Variants in RPL26L1 observed in about 807,000 individuals in gnomAD.
RPL26L1 encodes ribosomal protein uL24-like.
RPL26L1 carries 8 observed loss-of-function variants against 15.2 expected under a neutral mutation model. That is an observed-to-expected ratio of 0.53 (90% confidence interval 0.31 to 0.95). The LOEUF (loss-of-function observed/expected upper bound fraction) is 0.95, where lower values mean the gene tolerates loss of function less well. Among genes scored for constraint, RPL26L1 ranks in the 40% least tolerant of loss-of-function variants. The pLI, the probability that RPL26L1 is intolerant of heterozygous loss-of-function variation, is 0.05. For synonymous variants in RPL26L1, 51 were observed against 65.9 expected (o/e 0.77, Z 1.09); for missense variants, 146 against 190.9 (o/e 0.76, Z 1.39).
chr5:172,965,832 G>A (rs1321756661), intron 2 of RPL26L1, among the ~76,000 whole-genome samples: 4 of 152,110 alleles, frequency 2.6e-5, no homozygotes, highest in Non-Finnish European at 5.9e-5. Context: ...CTCTATTGCT[G>A]GCCCAGTTGG....
upstream of RPL26L1, chr5:172,959,272 G>A: frequency 1.7e-6 from 1 of 577,320 alleles, no homozygotes; most frequent in Non-Finnish European, 2.2e-6. Flanking sequence ...CCCTACACAA[G>A]CAGGCCCTTG....
intron 2 of RPL26L1, among the ~76,000 whole-genome samples, chr5:172,966,906 A>C (rs1281853234): frequency 6.6e-6 from 1 of 150,432 alleles, no homozygotes; most frequent in East Asian, 2.0e-4. Flanking sequence ...GCCAGCCTGG[A>C]GTGCAGTGGC....
intron 2 of RPL26L1, among the ~76,000 whole-genome samples, chr5:172,961,787 C>T (rs1347006789): frequency 6.6e-6 from 1 of 152,240 alleles, no homozygotes; most frequent in Non-Finnish European, 1.5e-5. Context: ...ACAACTCCCT[C>T]TTTTATATCC....
intron 2 of RPL26L1, among the ~76,000 whole-genome samples, chr5:172,960,683 G>A (rs549741518): frequency 1.1e-3 from 171 of 152,230 alleles, no homozygotes; most frequent in African/African-American, 3.9e-3. Context: ...CAAGCCCTCT[G>A]TTCTCTGTGA....
chr5:172,958,001 A>T (rs2113515979), upstream of RPL26L1: 1 of 233,196 alleles, frequency 4.3e-6, no homozygotes, highest in Admixed American at 5.0e-5. Context: ...GCAGTGGCTC[A>T]CGCCTGTAAT....
At chr5:172,966,796 T>C (rs567179649) in intron 2 of RPL26L1, among the ~76,000 whole-genome samples, 17 of 151,846 alleles carry the variant, frequency 1.1e-4, no homozygotes, top group African/African-American at 4.1e-4. Context: ...AGTATTGGGG[T>C]TCTCTAGTTC....
chr5:172,959,692 A>G, intron 1 of RPL26L1, 173 bp from the exon 2 acceptor site: 1 of 1,074,718 alleles, frequency 9.3e-7, no homozygotes, highest in Non-Finnish European at 1.3e-6. Flanking sequence ...CACACGCCTC[A>G]CTTTATGTGA....
chr5:172,962,368 C>T (rs1363434834), intron 2 of RPL26L1, among the ~76,000 whole-genome samples: 2 of 152,032 alleles, frequency 1.3e-5, no homozygotes, highest in South Asian at 2.1e-4. Flanking sequence ...ATTAGCCAGG[C>T]GTGGTGGTGC....
chr5:172,957,664 G>C (rs770178094), upstream of RPL26L1: 4 of 221,188 alleles, frequency 1.8e-5, no homozygotes, highest in Non-Finnish European at 3.7e-5. Context: ...CCTTGGGGCA[G>C]GGCATGGGTT....
At chr5:172,962,346 A>C (rs745546849) in intron 2 of RPL26L1, among the ~76,000 whole-genome samples, 1 of 152,094 alleles carries the variant, frequency 6.6e-6, no homozygotes, top group Non-Finnish European at 1.5e-5. Flanking sequence ...ATCTCTACTA[A>C]AAATACAAAA....
intron 2 of RPL26L1, among the ~76,000 whole-genome samples, chr5:172,964,379 G>A (rs149071689): frequency 0.065 from 9,505 of 146,598 alleles, 904 homozygotes; most frequent in African/African-American, 0.21. Context: ...TCTGCCTCCC[G>A]GGTTCAAGCC....
chr5:172,964,206 T>C (rs1461553394), intron 2 of RPL26L1, among the ~76,000 whole-genome samples: 1 of 151,616 alleles, frequency 6.6e-6, no homozygotes, highest in Non-Finnish European at 1.5e-5. Flanking sequence ...AACTCCTGGC[T>C]TCAAGCAATC....
chr5:172,959,816 T>C lies in RPL26L1; in HGVS notation c.-9-49T>C. On this transcript the variant is annotated intron_variant, in intron 1 of 3. Transcript: ENST00000265100. ...GTGTCTTGGGTCGAGAACAGGCCCC[T>C]GTAACCCACTGAGCGCCCCTTCATT... The C allele has an allele frequency of 1.9e-6, 3 of 1,590,012 alleles. No individual in the cohort carries two copies. The South Asian group carries it at 3.3e-5, about 18-fold the overall frequency.
upstream of RPL26L1, chr5:172,958,187 T>A: frequency 2.8e-6 from 1 of 362,836 alleles, no homozygotes; most frequent in Non-Finnish European, 5.5e-6. Flanking sequence ...TCGCTTGAAC[T>A]TGGGAGGCGG....
At position 172,965,408 on chromosome 5, in the gene RPL26L1, C is replaced by T. The variant is rs75498015; in HGVS notation, c.169-3051C>T. Among the ~76,000 whole-genome samples, 333 of 152,296 alleles carry T rather than the reference C, an allele frequency of 2.2e-3. 1 individual carries two copies. The highest frequency in any genetic ancestry group is 3.6e-3 in the Admixed American group (55 of 15,292). Reference sequence around the variant, plus strand: ...AATAAAGGAAAGTTCCCTTAGCTTTCCATCCCCCTCAAACATCTATCCCCT... The same window carrying T: ...AATAAAGGAAAGTTCCCTTAGCTTTTCATCCCCCTCAAACATCTATCCCCT... On this transcript the variant is annotated intron_variant, in intron 2 of 3. Coordinates refer to ENST00000265100, the MANE Select transcript of RPL26L1 (RefSeq NM_016093.4).
In RPL26L1 at chr5:172,960,005, C is replaced by T; in HGVS notation, c.132C>T (p.Val44=). ...LSKELRQKYN[V]RSMPIRKDDE... is the part of the protein sequence containing the mutation. ...AGGAGCTGCGGCAGAAGTACAATGT[C>T]CGCTCCATGCCCATCCGCAAGGACG... The change falls in exon 2 of 4, where the codon GTC becomes GTT. Residue 44 remains valine (V), a synonymous_variant. Transcript: ENST00000265100. 9.9e-6 allele frequency: 16 copies of T among 1,614,202 alleles called. No homozygotes were observed. The highest frequency in any genetic ancestry group is 2.2e-5 in the East Asian group (1 of 44,880).
chr5:172,967,926 A>G (rs914747319), intron 2 of RPL26L1, among the ~76,000 whole-genome samples: 1 of 151,614 alleles, frequency 6.6e-6, no homozygotes, highest in Non-Finnish European at 1.5e-5. Flanking sequence ...CACATATGTA[A>G]TATATATTAT....
chr5:172,959,473 G>A lies in RPL26L1; in HGVS notation c.-10+5G>A. 9.8e-7 allele frequency: 1 copy of A among 1,020,618 alleles called. No homozygotes were observed. The highest frequency in any genetic ancestry group is 4.9e-4 in the Middle Eastern group (1 of 2,024). The allele number at this position is 1,020,618 out of a possible 1,614,324, so 63.2% of individuals were successfully genotyped here. A position where few individuals can be genotyped will look rare whatever the true frequency, so the allele number is the denominator to read the frequency against. On this transcript the variant is annotated splice_donor_5th_base_variant and intron_variant, in intron 1 of 3. Transcript: ENST00000265100. ...TCTGAGGCAGCTAGTAGCCGGGTGA[G>A]TGGAGGCTGGAGTTTTCTCGGACAG...
intron 2 of RPL26L1, among the ~76,000 whole-genome samples, chr5:172,961,770 T>A (rs563092903): frequency 6.6e-6 from 1 of 152,378 alleles, no homozygotes; most frequent in South Asian, 2.1e-4. Context: ...ATGTCTGCTG[T>A]GTGCTAACAA....
Sources: allele counts gnomAD v4.1 joint callset (sites outside exome capture counted in the v4.1 genomes callset), GRCh38; gene constraint gnomAD v4.1.1; transcripts MANE v1.5; gene names NCBI Gene and HGNC (gene_info 2026-07-23, HGNC 2026-07-21).